Variants in STXBP5L observed in about 807,000 individuals in gnomAD.
STXBP5L encodes the protein syntaxin-binding protein 5-like.
STXBP5L carries 65 observed loss-of-function variants against 144.5 expected under a neutral mutation model. The observed-to-expected ratio is 0.45, with a 90% confidence interval of 0.37 to 0.55. STXBP5L has a LOEUF of 0.55. Among genes scored for constraint, STXBP5L ranks in the 20% least tolerant of loss-of-function variants. STXBP5L has a pLI of 0.00. For missense variants in STXBP5L, 1,298 were observed against 1,405.5 expected (o/e 0.92, Z 1.22); for synonymous variants, 505 against 469.6 (o/e 1.08, Z -0.97).
intron 9 of STXBP5L, chr3:121,158,375 C>T (rs1463703275): frequency 1.3e-5 from 2 of 152,068 alleles, no homozygotes; most frequent in Non-Finnish European, 2.9e-5. Context: ...AGTTTCTGAG[C>T]GTTCGTTATC....
chr3:121,036,300 T>C (rs563959134), intron 3 of STXBP5L, among the ~76,000 whole-genome samples: 1 of 152,290 alleles, frequency 6.6e-6, no homozygotes, highest in East Asian at 1.9e-4. Flanking sequence ...GCCACTGTAC[T>C]CCAGCCTGGG....
At chr3:121,230,208 A>G (rs1267225477) in intron 11 of STXBP5L, among the ~76,000 whole-genome samples, 4 of 152,210 alleles carry the variant, frequency 2.6e-5, no homozygotes, top group African/African-American at 9.6e-5. Flanking sequence ...TATTTTATAC[A>G]ACTGCATATC....
intron 5 of STXBP5L, among the ~76,000 whole-genome samples, chr3:121,057,060 G>C (rs1948512844): frequency 6.6e-6 from 1 of 151,194 alleles, no homozygotes. Context: ...ATATTATAAA[G>C]AAGGAAGAAA....
At chr3:121,030,874 C>T (rs1202996636) in intron 3 of STXBP5L, among the ~76,000 whole-genome samples, 1 of 151,974 alleles carries the variant, frequency 6.6e-6, no homozygotes, top group African/African-American at 2.4e-5. Flanking sequence ...GCTCCCCTCT[C>T]CTCAAAAAAG....
chr3:121,270,577 T>C (rs1435210220), intron 18 of STXBP5L, among the ~76,000 whole-genome samples: 1 of 151,958 alleles, frequency 6.6e-6, no homozygotes, highest in Non-Finnish European at 1.5e-5. Context: ...CTCAGCCTCC[T>C]GAGTAGCTAG....
At chr3:120,993,597 A>G (rs536395767) in intron 3 of STXBP5L, among the ~76,000 whole-genome samples, 1 of 151,606 alleles carries the variant, frequency 6.6e-6, no homozygotes, top group East Asian at 2.0e-4. Context: ...CTTTGCACCA[A>G]ATGAGTTGGT....
chr3:121,165,933 G>A (rs2046482643), intron 9 of STXBP5L, among the ~76,000 whole-genome samples: 1 of 151,632 alleles, frequency 6.6e-6, no homozygotes, highest in Admixed American at 6.6e-5. Flanking sequence ...GTTATGAAAA[G>A]TTACCGCTAT....
At chr3:121,241,429 C>A (rs1465637496) in intron 14 of STXBP5L, among the ~76,000 whole-genome samples, 2 of 143,650 alleles carry the variant, frequency 1.4e-5, no homozygotes, top group Non-Finnish European at 3.0e-5. Flanking sequence ...CTTTCTCCCA[C>A]ACACACAAGT....
chr3:121,334,213 A>C (rs929608767), intron 20 of STXBP5L, among the ~76,000 whole-genome samples: 12 of 152,136 alleles, frequency 7.9e-5, no homozygotes, highest in African/African-American at 2.9e-4. Flanking sequence ...TAAATTGTCC[A>C]GTCTTGGGTA....
rs145405002 is a variant in STXBP5L, at chr3:121,034,685, T to C, written c.288-7015T>C. ...TGCGAATAGTGCTGCAATAAACTTA[T>C]AAGTGGAATTATCTTTTTGGTATAA... On this transcript the variant is annotated intron_variant, in intron 3 of 26. Transcript: ENST00000471454. Among the ~76,000 whole-genome samples the C allele has an allele frequency of 2.2e-3, 330 of 152,284 alleles. 3 individuals are homozygous for C. Among genetic ancestry groups the C allele is most frequent in the Non-Finnish European group, 3.5e-3 (240 of 67,982 alleles).
intron 4 of STXBP5L, among the ~76,000 whole-genome samples, chr3:121,044,727 A>G (rs1256553321): frequency 6.6e-6 from 1 of 152,158 alleles, no homozygotes; most frequent in Non-Finnish European, 1.5e-5. Flanking sequence ...AGTCATACAA[A>G]CAGTTATTAT....
chr3:121,206,087 G>A, intron 10 of STXBP5L, 86 bp downstream of exon 10: 1 of 764,140 alleles, frequency 1.3e-6, no homozygotes, highest in South Asian at 3.1e-5. Flanking sequence ...ATTGTTTAAA[G>A]TTTTACAAAA....
chr3:121,193,563 G>C (rs2047794374), intron 9 of STXBP5L, among the ~76,000 whole-genome samples: 2 of 152,082 alleles, frequency 1.3e-5, no homozygotes. Flanking sequence ...CAAAAACTTG[G>C]AACCAACCCA....
At chr3:121,392,799 A>G (rs1424122551) in intron 22 of STXBP5L, among the ~76,000 whole-genome samples, 2 of 121,664 alleles carry the variant, frequency 1.6e-5, no homozygotes, top group African/African-American at 5.6e-5. Flanking sequence ...ATATATATAT[A>G]TATATATATC....
Position 121,409,252 on chromosome 3 carries a change from A to T in STXBP5L, c.2948+1649A>T, listed in dbSNP as rs143463677. Among the ~76,000 whole-genome samples the T allele has an allele frequency of 4.2e-3, 644 of 152,042 alleles. 5 individuals carry two copies. The highest frequency in any genetic ancestry group is 0.015 in the African/African-American group (614 of 41,518). On this transcript the variant is annotated intron_variant, in intron 23 of 26. Coordinates refer to ENST00000471454, the MANE Select transcript of STXBP5L (RefSeq NM_001308330.2). ...CGTTTATGTAGTGAAAGAAAGAATA[A>T]GATGCAGCAAAGGAGATTGAGAAGT...
At chr3:120,999,794 G>T (rs1943628191) in intron 3 of STXBP5L, among the ~76,000 whole-genome samples, 1 of 152,084 alleles carries the variant, frequency 6.6e-6, no homozygotes, top group South Asian at 2.1e-4. Context: ...CTTAGCATTT[G>T]CTTGTCTGAA....
chr3:121,183,385 T>G (rs1296177513), intron 9 of STXBP5L, among the ~76,000 whole-genome samples: 2 of 152,120 alleles, frequency 1.3e-5, no homozygotes, highest in Non-Finnish European at 2.9e-5. Context: ...ATTGTATACC[T>G]AGAAAACCGT....
intron 2 of STXBP5L, among the ~76,000 whole-genome samples, chr3:120,939,702 G>A (rs1483847696): frequency 2.0e-5 from 3 of 152,044 alleles, no homozygotes; most frequent in East Asian, 1.9e-4. Context: ...CGAACATAAC[G>A]TTAAACATAA....
rs140907437 is a variant in STXBP5L, at chr3:121,399,750, T to A, written c.2588-7493T>A. Among the ~76,000 whole-genome samples, 1,288 of 152,336 alleles carry A rather than the reference T, an allele frequency of 8.5e-3. 17 individuals are homozygous for A. Among genetic ancestry groups the A allele is most frequent in the African/African-American group, 0.029 (1,212 of 41,580 alleles). Reference sequence around the variant, plus strand: ...CAGGTGTTCCTTGCCCTCATTCTGGTAAACCCACAACCTTCCAGCGTGGGC... The same window carrying A: ...CAGGTGTTCCTTGCCCTCATTCTGGAAAACCCACAACCTTCCAGCGTGGGC... On this transcript the variant is annotated intron_variant, in intron 22 of 26. Transcript: ENST00000471454.
Sources: allele counts gnomAD v4.1 joint callset (sites outside exome capture counted in the v4.1 genomes callset), GRCh38; gene constraint gnomAD v4.1.1; transcripts MANE v1.5; gene names NCBI Gene and HGNC (gene_info 2026-07-23, HGNC 2026-07-21).